EDNRA: variants seen among roughly 807,000 people sequenced by gnomAD.
EDNRA encodes endothelin receptor type A, also known as endothelin-1 receptor.
A neutral mutation model predicts 41.4 loss-of-function variants in EDNRA; 11 were observed. That is an observed-to-expected ratio of 0.27 (90% CI 0.17 to 0.44). The LOEUF is 0.44. Among genes scored for constraint, EDNRA ranks in the 20% least tolerant of loss-of-function variants. The pLI is 1.00. For synonymous variants in EDNRA, 172 were observed against 183.0 expected (o/e 0.94, Z 0.49); for missense variants, 294 against 531.0 (o/e 0.55, Z 4.39).
intron 2 of EDNRA, chr4:147,489,079 A>G (rs915773619): frequency 2.0e-5 from 3 of 152,224 alleles, no homozygotes; most frequent in Non-Finnish European, 2.9e-5. Flanking sequence ...TAAATAGTTG[A>G]AAGTATCTAA....
intron 2 of EDNRA, among the ~76,000 whole-genome samples, chr4:147,505,544 G>A (rs1729676413): frequency 6.7e-6 from 1 of 150,272 alleles, no homozygotes; most frequent in Non-Finnish European, 1.5e-5. Context: ...GTTTCACCAT[G>A]TTGGTTAGGC....
chr4:147,528,624 G>A (rs547287099), intron 3 of EDNRA, among the ~76,000 whole-genome samples: 1 of 152,140 alleles, frequency 6.6e-6, no homozygotes, highest in East Asian at 1.9e-4. Flanking sequence ...ATGAACCATC[G>A]CACCCGGCTG....
intron 3 of EDNRA, among the ~76,000 whole-genome samples, chr4:147,525,128 A>G (rs184016218): frequency 3.3e-4 from 51 of 152,344 alleles, no homozygotes; most frequent in African/African-American, 1.2e-3. Flanking sequence ...CTTACATCCA[A>G]GTTCTATAGG....
intron 2 of EDNRA, chr4:147,492,963 T>C (rs967163585): frequency 3.9e-5 from 6 of 152,160 alleles, no homozygotes; most frequent in African/African-American, 1.2e-4. Flanking sequence ...GTGAGGTTAC[T>C]CTGCTAACCC....
intron 7 of EDNRA, 122 bp from the exon 8 acceptor site, chr4:147,542,356 A>G: frequency 7.2e-7 from 1 of 1,380,726 alleles, no homozygotes; most frequent in Non-Finnish European, 9.9e-7. Context: ...GTTACTGTCA[A>G]GGTTCACTTC....
rs1731197925 is a variant in EDNRA at position 147,543,883 on chromosome 4, C to T, written c.*1265C>T. ...AACCTAACTCCCCACCCCAACATCTCCCTCCCACATTGTCACCATTTCAAA... is the reference window on the plus strand; with the variant it reads ...AACCTAACTCCCCACCCCAACATCTTCCTCCCACATTGTCACCATTTCAAA... On this transcript the variant is annotated 3_prime_UTR_variant, in exon 8 of 8. Transcript: ENST00000651419. 1 of 152,568 alleles carries T rather than the reference C, an allele frequency of 6.6e-6. No individual in the cohort carries two copies. The highest frequency in any genetic ancestry group is 6.5e-5 in the Admixed American group (1 of 15,268). 9.5% of individuals were successfully genotyped at this position (152,568 alleles called of 1,614,324 possible). A position where few individuals can be genotyped will look rare whatever the true frequency, so the allele number is the denominator to read the frequency against.
intron 3 of EDNRA, among the ~76,000 whole-genome samples, chr4:147,523,147 A>G (rs1730384350): frequency 6.6e-6 from 1 of 152,236 alleles, no homozygotes; most frequent in African/African-American, 2.4e-5. Flanking sequence ...TTCTATGTAG[A>G]TGAAGCCTCC....
At position 147,505,646 on chromosome 4, in the gene EDNRA, GTTT is replaced by G. The variant is rs70958567; in HGVS notation, c.421-14186_421-14184del. Among the ~76,000 whole-genome samples the G allele has an allele frequency of 1.1e-3, 116 of 105,230 alleles. 7 individuals carry two copies. The South Asian group carries it at 0.038, about 34-fold the overall frequency. The allele number at this position is 105,230 out of a possible 152,430, so 69.0% of individuals were successfully genotyped here. Reference sequence around the variant, plus strand: ...CGTAAGCCACCCTGCCCCGCCGGCAGTTTTTTTTTTTTTTTTTTTTTAGACAGA... The same window carrying G: ...CGTAAGCCACCCTGCCCCGCCGGCAGTTTTTTTTTTTTTTTTTTAGACAGA... On this transcript the variant is annotated intron_variant, in intron 2 of 7. Coordinates refer to ENST00000651419, the MANE Select transcript of EDNRA (RefSeq NM_001957.4).
chr4:147,515,059 C>A (rs1015292934), intron 2 of EDNRA, among the ~76,000 whole-genome samples: 1 of 152,230 alleles, frequency 6.6e-6, no homozygotes, highest in Non-Finnish European at 1.5e-5. Context: ...GTCTTGGGAG[C>A]TGCTGCTCCA....
At chr4:147,537,786 T>G (rs139040778) in intron 5 of EDNRA, among the ~76,000 whole-genome samples, 145 of 152,250 alleles carry the variant, frequency 9.5e-4, no homozygotes, top group African/African-American at 3.1e-3. Flanking sequence ...CAAATGGAGA[T>G]TAGAACCCAA....
At chr4:147,498,210 T>C (rs1185171275) in intron 2 of EDNRA, among the ~76,000 whole-genome samples, 1 of 152,246 alleles carries the variant, frequency 6.6e-6, no homozygotes, top group East Asian at 1.9e-4. Flanking sequence ...ACTGCATTTT[T>C]GCAATCTCAT....
chr4:147,542,579 C>T lies in EDNRA; in HGVS notation c.1245C>T (p.His415=). Residue 415 remains histidine (H), a synonymous_variant, in exon 8 of 8, where the codon CAC becomes CAT. Coordinates refer to ENST00000651419, the MANE Select transcript of EDNRA (RefSeq NM_001957.4). ...IQWKNHDQNN[H]NTDRSSHKDS... is the part of the protein sequence containing the mutation. ...GGAAGAACCACGATCAAAACAACCA[C>T]AACACAGACCGGAGCAGCCATAAGG... is the stretch of plus-strand genomic sequence containing the variant. 1 of 1,614,086 alleles carries T rather than the reference C, an allele frequency of 6.2e-7. No individual in the cohort carries two copies.
At chr4:147,521,978 A>G (rs1038124721) in intron 3 of EDNRA, among the ~76,000 whole-genome samples, 2 of 152,204 alleles carry the variant, frequency 1.3e-5, no homozygotes, top group Non-Finnish European at 1.5e-5. Context: ...GTTTTAAACA[A>G]TGTAATGCAA....
At chr4:147,503,797 T>C (rs2126414285) in intron 2 of EDNRA, among the ~76,000 whole-genome samples, 1 of 152,284 alleles carries the variant, frequency 6.6e-6, no homozygotes, top group East Asian at 1.9e-4. Flanking sequence ...GGAAAAATCA[T>C]TGAGGACACC....
chr4:147,519,810 C>T lies in EDNRA; in HGVS notation c.421-41C>T. 1.2e-6 allele frequency: 2 copies of T among 1,604,270 alleles called. No individual in the cohort carries two copies. The highest frequency in any genetic ancestry group is 2.3e-5 in the East Asian group (1 of 44,388). On this transcript the variant is annotated intron_variant, in intron 2 of 7. Transcript: ENST00000651419. This position sits in a 1 kb window ranked among gnomAD's most constrained non-coding sequence, Gnocchi z 4.1. ...ACTGTAAGTGCCCACATGCTCCGTGCCAGCTCTACCATTTCTTACCACTGT... is the reference window on the plus strand; with the variant it reads ...ACTGTAAGTGCCCACATGCTCCGTGTCAGCTCTACCATTTCTTACCACTGT...
chr4:147,495,217 C>T (rs898847478), intron 2 of EDNRA: 1 of 152,172 alleles, frequency 6.6e-6, no homozygotes, highest in Non-Finnish European at 1.5e-5. Context: ...GGATTTGGAT[C>T]CAGCCTGATC....
In EDNRA at chr4:147,517,094, C is replaced by T. The variant is rs563554774; in HGVS notation, c.421-2757C>T. On this transcript the variant is annotated intron_variant, in intron 2 of 7. Coordinates refer to ENST00000651419, the MANE Select transcript of EDNRA (RefSeq NM_001957.4). ...TGCCTTTGGGCAGGGAGTTTGGGGGCCTTGACTGGAAGGGAGACTTAACTT... is the reference window on the plus strand; with the variant it reads ...TGCCTTTGGGCAGGGAGTTTGGGGGTCTTGACTGGAAGGGAGACTTAACTT... Among the ~76,000 whole-genome samples, 9 of 152,054 alleles carry T rather than the reference C, an allele frequency of 5.9e-5. No homozygotes were observed. The East Asian group carries it at 1.5e-3, about 26-fold the overall frequency.
At chr4:147,504,957 C>CAAAAAAAAAAA (rs57911108) in intron 2 of EDNRA, among the ~76,000 whole-genome samples, 2,155 of 38,752 alleles carry the variant, frequency 0.056, 250 homozygotes, top group East Asian at 0.081. Flanking sequence ...GACCCTGTCT[C>CAAAAAAAAAAA]AAAAAAAAAA....
intron 2 of EDNRA, among the ~76,000 whole-genome samples, chr4:147,504,334 G>C (rs183285674): frequency 6.6e-6 from 1 of 152,076 alleles, no homozygotes; most frequent in East Asian, 1.9e-4. Flanking sequence ...TGCATAGATC[G>C]TTTACATAAG....
Sources: allele counts gnomAD v4.1 joint callset (sites outside exome capture counted in the v4.1 genomes callset), GRCh38; gene constraint gnomAD v4.1.1; non-coding constraint Gnocchi (gnomAD v3.1); transcripts MANE v1.5; gene names NCBI Gene and HGNC (gene_info 2026-07-23, HGNC 2026-07-21).